MATN2: variants seen among roughly 807,000 people sequenced by gnomAD.
MATN2 encodes the protein matrilin 2.
In MATN2, 69 loss-of-function variants were observed where a neutral mutation model predicts 103.2. The observed-to-expected ratio is 0.67, with a 90% CI of 0.55 to 0.82. The LOEUF (loss-of-function observed/expected upper bound fraction) is 0.82, where lower values mean the gene tolerates loss of function less well. Among genes scored for constraint, MATN2 ranks in the 40% least tolerant of loss-of-function variants. The pLI, the probability that MATN2 is intolerant of heterozygous loss-of-function variation, is 0.00. For synonymous variants in MATN2, 429 were observed against 450.2 expected (o/e 0.95, Z 0.60); for missense variants, 1,023 against 1,211.5 (o/e 0.84, Z 2.31).
At chr8:98,003,598 G>C (rs746527539) in intron 7 of MATN2, 63 bp from the exon 8 acceptor site, 2 of 1,602,334 alleles carry the variant, frequency 1.2e-6, no homozygotes, top group African/African-American at 2.7e-5. Flanking sequence ...AGCCCCGAGG[G>C]GCTGCCATCA....
chr8:97,996,915 A>G (rs999068869), intron 7 of MATN2, among the ~76,000 whole-genome samples: 2 of 152,200 alleles, frequency 1.3e-5, no homozygotes, highest in African/African-American at 4.8e-5. Flanking sequence ...ATCTAATATG[A>G]AATCTATTTT....
chr8:97,976,887 A>G (rs190716088), intron 5 of MATN2, among the ~76,000 whole-genome samples: 97 of 152,154 alleles, frequency 6.4e-4, no homozygotes, highest in African/African-American at 2.2e-3. Context: ...TGCTAGAGCT[A>G]TGCTGTGGTT....
intron 4 of MATN2, among the ~76,000 whole-genome samples, chr8:97,954,145 G>A (rs1811059976): frequency 6.6e-6 from 1 of 152,014 alleles, no homozygotes; most frequent in South Asian, 2.1e-4. Flanking sequence ...CTCCAAAGTC[G>A]ATATTCTTTT....
At chr8:97,992,852 G>A (rs1233854529) in intron 6 of MATN2, among the ~76,000 whole-genome samples, 3 of 151,264 alleles carry the variant, frequency 2.0e-5, no homozygotes, top group Admixed American at 6.6e-5. Context: ...CCTGGGAGGT[G>A]GAGGTTGCAG....
intron 7 of MATN2, among the ~76,000 whole-genome samples, chr8:97,996,322 G>A (rs1272411371): frequency 6.6e-6 from 1 of 152,164 alleles, no homozygotes; most frequent in Non-Finnish European, 1.5e-5. Context: ...ATGCAATGCA[G>A]GCATCATTAT....
chr8:97,964,760 G>T (rs545401310), intron 5 of MATN2, among the ~76,000 whole-genome samples: 1 of 151,660 alleles, frequency 6.6e-6, no homozygotes, highest in Non-Finnish European at 1.5e-5. Flanking sequence ...TTTAGACAGG[G>T]TCTCACTCTG....
intron 18 of MATN2, chr8:98,034,312 A>G (rs1374787021): frequency 4.9e-6 from 2 of 408,836 alleles, no homozygotes; most frequent in African/African-American, 4.2e-5. Flanking sequence ...GTGCTTTTAC[A>G]TATTGAACAC....
rs1291665386 is a variant in MATN2 at position 97,984,074 on chromosome 8, G to A, written c.1081+5066G>A. On this transcript the variant is annotated intron_variant, in intron 6 of 18. Coordinates refer to ENST00000254898, the MANE Select transcript of MATN2 (RefSeq NM_002380.5). ...ACAGCCTGTAATATGCCACTTTTGTGACTCCCTATGTGGATAAATCAAACA... is the reference window on the plus strand; with the variant it reads ...ACAGCCTGTAATATGCCACTTTTGTAACTCCCTATGTGGATAAATCAAACA... Among the ~76,000 whole-genome samples the A allele has an allele frequency of 2.0e-5, 3 of 152,200 alleles. No individual in the cohort carries two copies. In the East Asian group the frequency reaches 5.8e-4, roughly 29 times the overall value.
chr8:97,950,496 G>A (rs537812854), intron 4 of MATN2, among the ~76,000 whole-genome samples: 2 of 152,218 alleles, frequency 1.3e-5, no homozygotes, highest in East Asian at 3.9e-4. Context: ...CAATACCTGT[G>A]GATTCCCCTC....
intron 4 of MATN2, among the ~76,000 whole-genome samples, chr8:97,951,291 A>G (rs1489948553): frequency 6.6e-6 from 1 of 152,148 alleles, no homozygotes. Flanking sequence ...GTAGAGCCCC[A>G]TGGGAGAACT....
chr8:97,912,416 G>C (rs1416673076), intron 2 of MATN2, among the ~76,000 whole-genome samples: 2 of 152,188 alleles, frequency 1.3e-5, no homozygotes, highest in East Asian at 3.8e-4. Flanking sequence ...AGCTGGAGCC[G>C]GGCATTGAAG....
At chr8:97,930,281 C>G (rs1345821488) in intron 2 of MATN2, among the ~76,000 whole-genome samples, 1 of 152,190 alleles carries the variant, frequency 6.6e-6, no homozygotes, top group African/African-American at 2.4e-5. Context: ...TAACTTTGGA[C>G]CCTGTCCTAA....
chr8:97,975,940 G>A (rs1811821861), intron 5 of MATN2, among the ~76,000 whole-genome samples: 1 of 152,130 alleles, frequency 6.6e-6, no homozygotes, highest in Admixed American at 6.5e-5. Context: ...GAAGGATGTG[G>A]TGCTAGCTCA....
At position 98,007,973 on chromosome 8, in the gene MATN2, C is replaced by T. The variant is rs78016297; in HGVS notation, c.1573+372C>T. Among the ~76,000 whole-genome samples the T allele has an allele frequency of 8.6e-4, 131 of 152,298 alleles. 3 individuals carry two copies. The East Asian group carries it at 0.021, about 25-fold the overall frequency. ...CATGCTGGGCACTGTGCTAAGCACACATGCTGTTGCATTCAGGGGACAGAT... is the reference window on the plus strand; with the variant it reads ...CATGCTGGGCACTGTGCTAAGCACATATGCTGTTGCATTCAGGGGACAGAT... On this transcript the variant is annotated intron_variant, in intron 10 of 18. Coordinates refer to ENST00000254898, the MANE Select transcript of MATN2 (RefSeq NM_002380.5). The surrounding 1 kb of genome is among the most constrained non-coding windows in gnomAD (Gnocchi z 4.2).
At chr8:97,897,153 G>A (rs1011654259) in intron 2 of MATN2, among the ~76,000 whole-genome samples, 15 of 152,238 alleles carry the variant, frequency 9.9e-5, no homozygotes, top group Non-Finnish European at 1.9e-4. Flanking sequence ...TGTGCTCAAA[G>A]TGTCTGATTC....
chr8:97,975,880 G>C (rs2130301922), intron 5 of MATN2, among the ~76,000 whole-genome samples: 1 of 152,268 alleles, frequency 6.6e-6, no homozygotes, highest in African/African-American at 2.4e-5. Context: ...TGTCACCATT[G>C]ATTCTTTTGA....
intron 1 of MATN2, among the ~76,000 whole-genome samples, chr8:97,887,502 A>G (rs1818476296): frequency 6.6e-6 from 1 of 152,220 alleles, no homozygotes; most frequent in Non-Finnish European, 1.5e-5. Context: ...AGGGCCTGGC[A>G]CATGGCCTCA....
At chr8:97,934,381 A>G (rs1283627869) in intron 3 of MATN2, among the ~76,000 whole-genome samples, 1 of 152,220 alleles carries the variant, frequency 6.6e-6, no homozygotes, top group African/African-American at 2.4e-5. Context: ...TATTATTACA[A>G]TCAAATACAC....
At chr8:97,996,484 T>G (rs1812592695) in intron 7 of MATN2, among the ~76,000 whole-genome samples, 1 of 152,188 alleles carries the variant, frequency 6.6e-6, no homozygotes, top group Non-Finnish European at 1.5e-5. Flanking sequence ...TCCATGTATA[T>G]TCAGTGGGTA....
Sources: allele counts gnomAD v4.1 joint callset (sites outside exome capture counted in the v4.1 genomes callset), GRCh38; gene constraint gnomAD v4.1.1; non-coding constraint Gnocchi (gnomAD v3.1); transcripts MANE v1.5; gene names NCBI Gene and HGNC (gene_info 2026-07-23, HGNC 2026-07-21).